Variants in LHFPL6 observed in about 807,000 individuals in gnomAD.
LHFPL6 encodes LHFPL tetraspan subfamily member 6 protein.
A neutral mutation model predicts 20.6 loss-of-function variants in LHFPL6; 9 were observed. The ratio of observed to expected loss-of-function variants is 0.44; its 90% CI spans 0.26 to 0.76. The LOEUF (loss-of-function observed/expected upper bound fraction) is 0.76, where lower values mean the gene tolerates loss of function less well. Ranked by LOEUF, LHFPL6 falls within the 30% of genes least tolerant of loss-of-function variation. The probability of loss-of-function intolerance (pLI) is 0.20; values close to 1 mark genes in which losing one functional copy is unlikely to be tolerated. For synonymous variants in LHFPL6, 105 were observed against 98.7 expected (o/e 1.06, Z -0.38); for missense variants, 218 against 253.5 (o/e 0.86, Z 0.95).
chr13:39,421,962 A>G (rs1028331796), intron 2 of LHFPL6, among the ~76,000 whole-genome samples: 2 of 152,252 alleles, frequency 1.3e-5, no homozygotes, highest in Non-Finnish European at 2.9e-5. Flanking sequence ...TAGCCCAGTA[A>G]CACAAAGAAT....
At chr13:39,486,907 T>G (rs368311238) in intron 2 of LHFPL6, among the ~76,000 whole-genome samples, 5 of 152,254 alleles carry the variant, frequency 3.3e-5, no homozygotes, top group African/African-American at 1.2e-4. Flanking sequence ...ATATCCCTGT[T>G]AATCCATTCA....
At chr13:39,512,475 C>A (rs539708797) in intron 2 of LHFPL6, among the ~76,000 whole-genome samples, 1 of 151,712 alleles carries the variant, frequency 6.6e-6, no homozygotes, top group South Asian at 2.1e-4. Context: ...GGTGGCGGGC[C>A]CCTGTAGTCC....
chr13:39,577,917 A>G (rs1452610286), intron 2 of LHFPL6, among the ~76,000 whole-genome samples: 3 of 151,990 alleles, frequency 2.0e-5, no homozygotes, highest in African/African-American at 7.2e-5. Flanking sequence ...CTGGGATTAC[A>G]AGCATAAGCC....
chr13:39,344,117 C>T (rs1269362722), intron 3 of LHFPL6, 63 bp from the exon 4 acceptor site: 8 of 1,344,588 alleles, frequency 5.9e-6, no homozygotes, highest in African/African-American at 1.4e-5. Context: ...AGCAGGGTTT[C>T]TTATTGCTTC....
At chr13:39,602,297 T>C (rs1321563394) in intron 1 of LHFPL6, among the ~76,000 whole-genome samples, 1 of 152,158 alleles carries the variant, frequency 6.6e-6, no homozygotes, top group Non-Finnish European at 1.5e-5. Context: ...CCAGGACCCC[T>C]AACTCCAGCT....
chr13:39,369,901 T>C lies in LHFPL6; in HGVS notation c.484+8527A>G, dbSNP rs1052914588. Among the ~76,000 whole-genome samples the C allele has an allele frequency of 3.3e-5, 5 of 152,074 alleles. 1 individual carries two copies. The South Asian group carries it at 6.2e-4, about 19-fold the overall frequency. ...GTTTAGGGAAACAGATCAAATTGAA[T>C]CTATGATTGTACAGAGTGGGGTCCT... On this transcript the variant is annotated intron_variant, in intron 3 of 3. Transcript: ENST00000379589.
chr13:39,405,053 T>C (rs1871085543), intron 2 of LHFPL6, among the ~76,000 whole-genome samples: 2 of 152,172 alleles, frequency 1.3e-5, no homozygotes, highest in Non-Finnish European at 2.9e-5. Flanking sequence ...AATTAATGCA[T>C]ATGTAACATA....
intron 2 of LHFPL6, among the ~76,000 whole-genome samples, chr13:39,588,069 G>A (rs1872504807): frequency 6.6e-6 from 1 of 152,084 alleles, no homozygotes; most frequent in Non-Finnish European, 1.5e-5. Flanking sequence ...CAGCCAAGCA[G>A]GGAAAGGTCG....
At chr13:39,414,823 T>C (rs759594285) in intron 2 of LHFPL6, among the ~76,000 whole-genome samples, 15 of 152,162 alleles carry the variant, frequency 9.9e-5, no homozygotes, top group African/African-American at 1.4e-4. Context: ...TTTAGACCCC[T>C]AAGAGTATTA....
rs55701240 is a variant in LHFPL6, at chr13:39,435,062, C to CAAAA, written c.386-56540_386-56537dup. 6.6e-3 allele frequency among the ~76,000 whole-genome samples: 342 copies of CAAAA among 51,784 alleles called. 4 individuals carry two copies. The highest frequency in any genetic ancestry group is 0.048 in the Middle Eastern group (3 of 62). The allele number at this position is 51,784 out of a possible 152,430, so 34.0% of individuals were successfully genotyped here. On this transcript the variant is annotated intron_variant, in intron 2 of 3. Transcript: ENST00000379589. ...TGGGCGACAGAGCGAGACTCCGTCT[C>CAAAA]AAAAAAAAAAAAAAAAAAAAAAAAA...
Position 39,601,198 on chromosome 13 carries a change from A to C in LHFPL6, c.19T>G (p.Cys7Gly), listed in dbSNP as rs767876954. 4 of 1,610,936 alleles carry C rather than the reference A, an allele frequency of 2.5e-6. No homozygotes were observed. The South Asian group carries it at 4.4e-5, about 18-fold the overall frequency. The change falls in exon 2 of 4, where the codon TGT (cysteine) becomes GGT (glycine). Residue 7 changes from cysteine (C) to glycine (G), a missense_variant. By Grantham distance (159) the Cys-to-Gly change is radical. Transcript: ENST00000379589. MASSLT[C>G]TGVIWALLSF... The stretch of plus-strand genomic sequence containing the variant: ...AGCAAAGCCCAGATTACTCCAGTAC[A>C]AGTCAGGCTGGATGCCATCTTTCAC...
At chr13:39,600,541 A>G (rs1242999706) in intron 2 of LHFPL6, among the ~76,000 whole-genome samples, 2 of 152,220 alleles carry the variant, frequency 1.3e-5, no homozygotes, top group Non-Finnish European at 1.5e-5. Context: ...TATAAAATCC[A>G]AACTGTCGCC....
intron 2 of LHFPL6, among the ~76,000 whole-genome samples, chr13:39,507,915 C>CTCCCTTCT (rs1869543970): frequency 1.3e-5 from 2 of 148,934 alleles, no homozygotes; most frequent in South Asian, 2.2e-4. Context: ...CCCTTCTTTC[C>CTCCCTTCT]TTCCCTCCCT....
At chr13:39,444,884 T>C (rs1872244645) in intron 2 of LHFPL6, among the ~76,000 whole-genome samples, 1 of 151,846 alleles carries the variant, frequency 6.6e-6, no homozygotes, top group Non-Finnish European at 1.5e-5. Flanking sequence ...AACCACAGAG[T>C]CACCAGTGTG....
intron 2 of LHFPL6, among the ~76,000 whole-genome samples, chr13:39,467,666 C>T (rs2138434113): frequency 6.6e-6 from 1 of 152,298 alleles, no homozygotes; most frequent in East Asian, 1.9e-4. Flanking sequence ...AAATTCATAT[C>T]ATAGAGGAAG....
At chr13:39,434,297 G>A (rs916369085) in intron 2 of LHFPL6, among the ~76,000 whole-genome samples, 4 of 152,114 alleles carry the variant, frequency 2.6e-5, no homozygotes, top group Admixed American at 1.3e-4. Context: ...ACATTTTACA[G>A]AAGAAGAATG....
chr13:39,458,314 G>A (rs893551429), intron 2 of LHFPL6, among the ~76,000 whole-genome samples: 4 of 152,104 alleles, frequency 2.6e-5, no homozygotes, highest in Non-Finnish European at 2.9e-5. Flanking sequence ...AAGAAAAGAG[G>A]TTACGGGAAA....
chr13:39,493,030 GAATATGC>G (rs1868981047), intron 2 of LHFPL6, among the ~76,000 whole-genome samples: 1 of 152,016 alleles, frequency 6.6e-6, no homozygotes, highest in South Asian at 2.1e-4. Context: ...TCCATCATGT[GAATATGC>G]CCTAATTTCT....
At position 39,548,809 on chromosome 13, in the gene LHFPL6, T is replaced by C. The variant is rs1041903938; in HGVS notation, c.385+52023A>G. ...TGGAACACCTTGTTGTTCTAGAAAA[T>C]GAGGAAGTACTTGAATAAAAAGATG... On this transcript the variant is annotated intron_variant, in intron 2 of 3. Coordinates refer to ENST00000379589, the MANE Select transcript of LHFPL6 (RefSeq NM_005780.3). Among the ~76,000 whole-genome samples the C allele has an allele frequency of 6.6e-5, 10 of 151,782 alleles. 1 individual carries two copies. Among genetic ancestry groups the C allele is most frequent in the African/African-American group, 2.4e-4 (10 of 41,312 alleles).
Sources: gnomAD v4.1 joint callset for allele counts (sites outside exome capture counted in the v4.1 genomes callset) on GRCh38, gnomAD v4.1.1 for gene constraint, MANE v1.5 for transcripts, NCBI Gene and HGNC (gene_info 2026-07-23, HGNC 2026-07-21) for gene names.